Variants in CALN1 observed in about 807,000 individuals in gnomAD.
CALN1 encodes the protein calcium-binding protein 8.
A neutral mutation model predicts 30.6 loss-of-function variants in CALN1; 17 were observed. That is an observed-to-expected ratio of 0.56 (90% CI 0.38 to 0.83). CALN1 has a LOEUF of 0.83. Ranked by LOEUF, CALN1 falls within the 40% of genes least tolerant of loss-of-function variation. CALN1 has a pLI of 0.00. For missense variants in CALN1, 291 were observed against 354.9 expected (o/e 0.82, Z 1.45); for synonymous variants, 156 against 131.4 (o/e 1.19, Z -1.28).
At chr7:71,853,594 A>G (rs1406366098) in intron 5 of CALN1, among the ~76,000 whole-genome samples, 1 of 135,236 alleles carries the variant, frequency 7.4e-6, no homozygotes, top group Admixed American at 7.4e-5. Flanking sequence ...TTTTTTTTTT[A>G]TTTGAGACAG....
chr7:72,362,270 A>G (rs1181086811), intron 2 of CALN1, among the ~76,000 whole-genome samples: 3 of 152,202 alleles, frequency 2.0e-5, no homozygotes, highest in Admixed American at 6.5e-5. Flanking sequence ...ATGACTTTTG[A>G]TAAGTGATAC....
At chr7:72,409,059 T>C (rs1251456473) in intron 1 of CALN1, among the ~76,000 whole-genome samples, 3 of 151,834 alleles carry the variant, frequency 2.0e-5, no homozygotes, top group African/African-American at 4.8e-5. Context: ...GCAGTGGCAC[T>C]ATCTCAGCTT....
At chr7:72,227,769 G>A (rs954838824) in intron 3 of CALN1, among the ~76,000 whole-genome samples, 13 of 151,968 alleles carry the variant, frequency 8.6e-5, no homozygotes, top group Non-Finnish European at 1.3e-4. Context: ...AGAATCACTC[G>A]AACCTGGGAG....
At chr7:71,833,277 T>C (rs908790784) in intron 5 of CALN1, among the ~76,000 whole-genome samples, 5 of 152,186 alleles carry the variant, frequency 3.3e-5, no homozygotes, top group African/African-American at 1.2e-4. Flanking sequence ...TGTGAATTCC[T>C]ACGGGATAGC....
At chr7:72,317,884 T>G (rs547851677) in intron 2 of CALN1, among the ~76,000 whole-genome samples, 4 of 152,180 alleles carry the variant, frequency 2.6e-5, no homozygotes, top group African/African-American at 9.6e-5. Flanking sequence ...AGTAAGGACA[T>G]GAATGAACTG....
chr7:72,392,217 A>G (rs1805620707), intron 2 of CALN1, among the ~76,000 whole-genome samples: 1 of 152,120 alleles, frequency 6.6e-6, no homozygotes, highest in African/African-American at 2.4e-5. Context: ...AAGTGATCAA[A>G]TAATGTCAGC....
intron 5 of CALN1, among the ~76,000 whole-genome samples, chr7:71,883,817 C>A (rs557153353): frequency 6.6e-6 from 1 of 152,264 alleles, no homozygotes; most frequent in Non-Finnish European, 1.5e-5. Context: ...ATGAGATTTA[C>A]CATCTTGTTT....
chr7:71,963,945 C>A (rs1797397938), intron 5 of CALN1, among the ~76,000 whole-genome samples: 1 of 152,108 alleles, frequency 6.6e-6, no homozygotes, highest in African/African-American at 2.4e-5. Context: ...ATATTCTTAT[C>A]CCCTCTGATA....
chr7:71,924,846 A>C (rs1278391444), intron 5 of CALN1, among the ~76,000 whole-genome samples: 1 of 152,216 alleles, frequency 6.6e-6, no homozygotes, highest in Non-Finnish European at 1.5e-5. Context: ...TTATGTCTTA[A>C]AACTATTAAT....
chr7:72,479,109 T>C, the CALN1 span, among the ~76,000 whole-genome samples: 1 of 152,164 alleles, frequency 6.6e-6, no homozygotes, highest in Non-Finnish European at 1.5e-5. Context: ...CTCGATCTCC[T>C]GACCTCGTGA....
intron 5 of CALN1, among the ~76,000 whole-genome samples, chr7:71,978,262 CTTTTTTTTTTTTTTTTTT>C (rs1010635078): frequency 2.7e-5 from 2 of 72,950 alleles, no homozygotes; most frequent in African/African-American, 1.1e-4. Context: ...CTAGAGAATT[CTTTTTTTTTTTTTTTTTT>C]TTTTTTTTTG....
At chr7:72,237,745 C>T (rs1794562590) in intron 3 of CALN1, among the ~76,000 whole-genome samples, 1 of 152,098 alleles carries the variant, frequency 6.6e-6, no homozygotes, top group Admixed American at 6.6e-5. Flanking sequence ...AGAGAGAAAC[C>T]CTTCCTTCTT....
chr7:72,399,598 A>G (rs1371991792), intron 2 of CALN1, among the ~76,000 whole-genome samples: 4 of 152,144 alleles, frequency 2.6e-5, no homozygotes, highest in African/African-American at 9.7e-5. Flanking sequence ...CGTAAGTCAC[A>G]GTTCACTAAT....
intron 2 of CALN1, chr7:72,337,129 G>A (rs1295072616): frequency 1.0e-6 from 1 of 985,760 alleles, no homozygotes; most frequent in Non-Finnish European, 1.2e-6. Flanking sequence ...CCCAGTGGCC[G>A]AGGCCCCGCT....
chr7:72,151,845 G>C (rs1787273276), intron 3 of CALN1, among the ~76,000 whole-genome samples: 1 of 151,518 alleles, frequency 6.6e-6, no homozygotes, highest in Non-Finnish European at 1.5e-5. Flanking sequence ...CCGAGTAGCT[G>C]GGACTACAGG....
chr7:72,292,833 A>AAT (rs1798587451), intron 2 of CALN1, among the ~76,000 whole-genome samples: 1 of 151,284 alleles, frequency 6.6e-6, no homozygotes, highest in Admixed American at 6.6e-5. Context: ...AAAAAAAAAA[A>AAT]AGAATTTCAA....
chr7:72,106,430 A>C, intron 3 of CALN1, 136 bp from the exon 4 acceptor site: 2 of 1,026,146 alleles, frequency 1.9e-6, no homozygotes, highest in Non-Finnish European at 2.8e-6. Flanking sequence ...ATCAGATAAA[A>C]GGGAGGACAG....
intron 3 of CALN1, among the ~76,000 whole-genome samples, chr7:72,148,129 CCAAA>C (rs886598715): frequency 1.5e-4 from 22 of 144,242 alleles, no homozygotes; most frequent in Middle Eastern, 3.5e-3. Flanking sequence ...AACCAACCAA[CCAAA>C]CAAACAAACA....
intron 5 of CALN1, among the ~76,000 whole-genome samples, chr7:71,834,466 G>A (rs1450259685): frequency 2.0e-5 from 3 of 151,772 alleles, no homozygotes; most frequent in Non-Finnish European, 4.4e-5. Context: ...GCAAGGTAAG[G>A]AATGTGTCCC....
Sources: allele counts gnomAD v4.1 joint callset (sites outside exome capture counted in the v4.1 genomes callset), GRCh38; gene constraint gnomAD v4.1.1; transcripts MANE v1.5; gene names NCBI Gene and HGNC (gene_info 2026-07-23, HGNC 2026-07-21).